Variants in TASP1 observed in about 807,000 individuals in gnomAD.
The protein encoded by TASP1 is threonine aspartase 1.
Under a neutral mutation model 56.6 loss-of-function variants are expected in TASP1, and 16 were observed. That is an observed-to-expected ratio of 0.28 (90% CI 0.19 to 0.43). The LOEUF is 0.43. Ranked by LOEUF, TASP1 falls within the 20% of genes least tolerant of loss-of-function variation. The pLI, the probability that TASP1 is intolerant of heterozygous loss-of-function variation, is 1.00. For missense variants in TASP1, 393 were observed against 511.6 expected, an observed-to-expected ratio of 0.77 and a Z score of 2.24; for synonymous variants, 179 against 184.2, an observed-to-expected ratio of 0.97 and a Z score of 0.23.
intron 11 of TASP1, among the ~76,000 whole-genome samples, chr20:13,435,491 A>G (rs1001082013): frequency 3.3e-5 from 5 of 152,038 alleles, no homozygotes; most frequent in African/African-American, 7.2e-5. Flanking sequence ...CCTTTGATCA[A>G]CTCTTAGGGA....
chr20:13,627,577 C>T (rs1272398221), intron 2 of TASP1, among the ~76,000 whole-genome samples: 1 of 151,944 alleles, frequency 6.6e-6, no homozygotes, highest in African/African-American at 2.4e-5. Flanking sequence ...ATGGTGAAAC[C>T]CCATTTCTAC....
At chr20:13,385,279 A>C (rs146430098), downstream of TASP1, among the ~76,000 whole-genome samples, 28 of 152,350 alleles carry the variant, frequency 1.8e-4, no homozygotes, top group African/African-American at 5.5e-4. Context: ...CCTTGAAGGC[A>C]TCCACCAGTC....
intron 13 of TASP1, among the ~76,000 whole-genome samples, chr20:13,397,848 G>C (rs1329686101): frequency 6.6e-6 from 1 of 152,042 alleles, no homozygotes; most frequent in Admixed American, 6.6e-5. Flanking sequence ...GACATTCTAC[G>C]GAGTTTTACT....
At chr20:13,635,148 A>C (rs1260787203) in intron 1 of TASP1, among the ~76,000 whole-genome samples, 1 of 152,264 alleles carries the variant, frequency 6.6e-6, no homozygotes, top group East Asian at 1.9e-4. Flanking sequence ...TACACTGGGT[A>C]CATTTTAAAT....
intron 7 of TASP1, 49 bp from the exon 8 acceptor site, chr20:13,559,163 A>T: frequency 8.4e-7 from 1 of 1,193,524 alleles, no homozygotes; most frequent in Non-Finnish European, 1.1e-6. Flanking sequence ...AAGAAATATT[A>T]GGGCAATGGG....
chr20:13,232,695 A>T, the TASP1 span, among the ~76,000 whole-genome samples: 1 of 152,236 alleles, frequency 6.6e-6, no homozygotes, highest in Admixed American at 6.5e-5. Context: ...GCTTATTAAG[A>T]AATTCTGGAA....
the TASP1 span, among the ~76,000 whole-genome samples, chr20:13,224,841 C>CTTTTTTTTTTTTTTTTTT: frequency 9.3e-6 from 1 of 107,258 alleles, no homozygotes; most frequent in Non-Finnish European, 1.9e-5. Flanking sequence ...AGCTTTCTTT[C>CTTTTTTTTTTTTTTTTTT]TTTTTTTTTT....
chr20:13,514,578 C>T (rs1168979309), intron 10 of TASP1, among the ~76,000 whole-genome samples: 1 of 152,116 alleles, frequency 6.6e-6, no homozygotes, highest in East Asian at 1.9e-4. Context: ...CAATGTGCCC[C>T]TAAGTGTACT....
chr20:13,173,521 C>A, the TASP1 span, among the ~76,000 whole-genome samples: 1 of 152,132 alleles, frequency 6.6e-6, no homozygotes. Context: ...GATGTGAATG[C>A]TCTCAGCAAA....
chr20:13,203,960 A>G, the TASP1 span, among the ~76,000 whole-genome samples: 1 of 152,224 alleles, frequency 6.6e-6, no homozygotes, highest in African/African-American at 2.4e-5. Flanking sequence ...TGTGACTCTG[A>G]GGGACAAAAG....
At chr20:13,325,110 C>CACTTAGGT in the TASP1 span, among the ~76,000 whole-genome samples, 1 of 152,204 alleles carries the variant, frequency 6.6e-6, no homozygotes, top group African/African-American at 2.4e-5. Context: ...GAACAGAGAG[C>CACTTAGGT]CACTCGACCT....
At chr20:13,533,964 G>A in intron 9 of TASP1, 58 bp downstream of exon 9, 1 of 1,543,374 alleles carries the variant, frequency 6.5e-7, no homozygotes, top group South Asian at 1.2e-5. Context: ...AAAATTGTGA[G>A]CTAAAAATTC....
chr20:13,538,052 G>A (rs546311007), intron 8 of TASP1, among the ~76,000 whole-genome samples: 1 of 151,068 alleles, frequency 6.6e-6, no homozygotes, highest in South Asian at 2.1e-4. Context: ...GCCCAGGCTG[G>A]AGTGCAATGG....
chr20:13,110,345 A>G, the TASP1 span: 29 of 715,202 alleles, frequency 4.1e-5, no homozygotes, highest in Non-Finnish European at 2.5e-5. Flanking sequence ...CAGGGACCTG[A>G]GACAGAGCCA....
chr20:13,521,053 A>G (rs1259156580), intron 10 of TASP1, among the ~76,000 whole-genome samples: 265 of 152,202 alleles, frequency 1.7e-3, no homozygotes, highest in African/African-American at 6.2e-3. Flanking sequence ...TCAGAGAAAT[A>G]CGTATCAAAA....
chr20:13,247,092 G>A, the TASP1 span, among the ~76,000 whole-genome samples: 1 of 152,168 alleles, frequency 6.6e-6, no homozygotes, highest in Admixed American at 6.5e-5. Flanking sequence ...AAAGCCAGGT[G>A]TGGTGGCACA....
chr20:13,192,329 G>A, the TASP1 span, among the ~76,000 whole-genome samples: 1 of 152,164 alleles, frequency 6.6e-6, no homozygotes, highest in Non-Finnish European at 1.5e-5. Context: ...TTGAGCCCAG[G>A]AGTTCAAGAC....
the TASP1 span, among the ~76,000 whole-genome samples, chr20:13,185,168 T>C: frequency 6.6e-6 from 1 of 152,002 alleles, no homozygotes; most frequent in Non-Finnish European, 1.5e-5. Flanking sequence ...CAATAAAAAA[T>C]GCAGAGTAAA....
intron 12 of TASP1, among the ~76,000 whole-genome samples, chr20:13,425,472 C>G (rs1020950010): frequency 4.6e-5 from 7 of 152,136 alleles, no homozygotes; most frequent in Non-Finnish European, 7.4e-5. Context: ...ATATTGTCCT[C>G]CAATTGTTGT....
Sources: allele counts gnomAD v4.1 joint callset (sites outside exome capture counted in the v4.1 genomes callset), GRCh38; gene constraint gnomAD v4.1.1; transcripts MANE v1.5; gene names NCBI Gene and HGNC (gene_info 2026-07-23, HGNC 2026-07-21).